Variants in TRMT5 observed in about 807,000 individuals in gnomAD.
The protein encoded by TRMT5 is tRNA methyltransferase 5, also known as tRNA (guanine(37)-N(1))-methyltransferase.
Under a neutral mutation model 42.2 loss-of-function variants are expected in TRMT5, and 31 were observed. That is an observed-to-expected ratio of 0.73 (90% confidence interval 0.55 to 0.99). The LOEUF (loss-of-function observed/expected upper bound fraction) is 0.99. TRMT5 is among the 50% of genes least tolerant of loss of function. The pLI is 0.00. For synonymous variants in TRMT5, 198 were observed against 209.6 expected, an observed-to-expected ratio of 0.94 and a Z score of 0.48; for missense variants, 568 against 595.0, an observed-to-expected ratio of 0.95 and a Z score of 0.47.
rs1414215872 is a variant in TRMT5 at position 60,972,021 on chromosome 14, T to C, written c.*3088A>G. 5 of 254,016 alleles carry C rather than the reference T, an allele frequency of 2.0e-5. No individual in the cohort carries two copies. Among genetic ancestry groups the C allele is most frequent in the Admixed American group, 9.9e-5 (2 of 20,196 alleles). The allele number at this position is 254,016 out of a possible 1,614,324, so 15.7% of individuals were successfully genotyped here. On this transcript the variant is annotated 3_prime_UTR_variant, in exon 5 of 5. Coordinates refer to ENST00000261249, the MANE Select transcript of TRMT5 (RefSeq NM_020810.3). Reference sequence around the variant, plus strand: ...CTCCTGGGAGCCAAGAGGAAGTCTCTCAAAACTAGAAGGGAAAGATGTTTT... The same window carrying C: ...CTCCTGGGAGCCAAGAGGAAGTCTCCCAAAACTAGAAGGGAAAGATGTTTT...
At chr14:60,978,503 A>G (rs1471097949) in intron 2 of TRMT5, among the ~76,000 whole-genome samples, 1 of 152,206 alleles carries the variant, frequency 6.6e-6, no homozygotes, top group Non-Finnish European at 1.5e-5. Flanking sequence ...TGAGGAATGA[A>G]ATTTATAAAT....
rs766757429 is a variant in TRMT5 at position 60,979,747 on chromosome 14, A to G, written c.151T>C (p.Leu51=). 3.7e-6 allele frequency: 6 copies of G among 1,614,012 alleles called. No individual in the cohort carries two copies. The highest frequency in any genetic ancestry group is 1.3e-5 in the African/African-American group (1 of 74,906). The change falls in exon 2 of 5, where the codon TTG becomes CTG. Residue 51 remains leucine (L), a synonymous_variant. Coordinates refer to ENST00000261249, the MANE Select transcript of TRMT5 (RefSeq NM_020810.3). The part of the protein sequence containing the change: ...MLLEAPGIFL[L]GQRKRFSTMP... Reference sequence around the variant, plus strand: ...GTTGAGAATCTTTTTCTTTGACCCAATAAGAAAATACCAGGTGCTTCCAAA... The same window carrying G: ...GTTGAGAATCTTTTTCTTTGACCCAGTAAGAAAATACCAGGTGCTTCCAAA...
intron 4 of TRMT5, 32 bp downstream of exon 4, chr14:60,975,443 G>A: frequency 6.3e-7 from 1 of 1,592,286 alleles, no homozygotes; most frequent in Non-Finnish European, 8.6e-7. Context: ...TGAATGGCAA[G>A]GTTTACATTT....
chr14:60,981,305 G>T, upstream of TRMT5: 1 of 1,609,812 alleles, frequency 6.2e-7, no homozygotes, highest in Non-Finnish European at 8.5e-7. Context: ...GAGCTTCAAC[G>T]CTGAGCGGGG....
chr14:60,977,257 T>A (rs1411021210), intron 3 of TRMT5, among the ~76,000 whole-genome samples: 1 of 152,188 alleles, frequency 6.6e-6, no homozygotes, highest in Admixed American at 6.5e-5. Context: ...AACCTATCGA[T>A]GGACAACTTA....
intron 3 of TRMT5, among the ~76,000 whole-genome samples, chr14:60,977,125 A>G (rs184118604): frequency 2.6e-5 from 4 of 152,284 alleles, no homozygotes; most frequent in Non-Finnish European, 5.9e-5. Flanking sequence ...ATTTCTGCCA[A>G]CTAAAAGTCT....
At position 60,979,392 on chromosome 14, in the gene TRMT5, G is replaced by C; in HGVS notation, c.506C>G (p.Ser169Cys). 6.2e-7 allele frequency: 1 copy of C among 1,614,078 alleles called. No individual in the cohort carries two copies. Among genetic ancestry groups the C allele is most frequent in the South Asian group, 1.1e-5 (1 of 91,066 alleles). Residue 169 changes from serine to cysteine, a missense_variant, in exon 2 of 5, where the codon TCT becomes TGT. Ser to Cys is a moderately radical substitution (Grantham distance 112). Coordinates refer to ENST00000261249, the MANE Select transcript of TRMT5 (RefSeq NM_020810.3). ...ATATGTTAGTTCCAAATTGTATTTA[G>C]AGATCTGTGGACTGACATTAAGCTG... is the stretch of plus-strand genomic sequence containing the variant. ...LEQLNVSPQI[S>C]KYNLELTYEH...
upstream of TRMT5, chr14:60,981,228 G>A (rs763685863): frequency 9.6e-6 from 15 of 1,562,076 alleles, no homozygotes; most frequent in Non-Finnish European, 1.3e-5. Context: ...TGGAGCGCAG[G>A]GCAGGGGTAG....
In TRMT5 at chr14:60,971,980, A is replaced by G. The variant is rs1282233799; in HGVS notation, c.*3129T>C. ...GTGCCAAGGTGGCCATGTGTGTCAA[A>G]GTCAGGAAATCCCTCCTCCTGGGAG... is the stretch of plus-strand genomic sequence containing the variant. On this transcript the variant is annotated 3_prime_UTR_variant, in exon 5 of 5. Transcript: ENST00000261249. The G allele has an allele frequency of 7.5e-6, 2 of 266,278 alleles. No homozygotes were observed. Among genetic ancestry groups the G allele is most frequent in the East Asian group, 1.1e-4 (1 of 9,018 alleles). The allele number at this position is 266,278 out of a possible 1,614,324, so 16.5% of individuals were successfully genotyped here.
chr14:60,973,117 A>G lies in TRMT5; in HGVS notation c.*1992T>C, dbSNP rs900457877. 4 of 152,264 alleles carry G rather than the reference A, an allele frequency of 2.6e-5. No individual in the cohort carries two copies. Among genetic ancestry groups the G allele is most frequent in the African/African-American group, 9.6e-5 (4 of 41,456 alleles). The allele number at this position is 152,264 out of a possible 1,614,324, so 9.4% of individuals were successfully genotyped here. A position where few individuals can be genotyped will look rare whatever the true frequency, so the allele number is the denominator to read the frequency against. On this transcript the variant is annotated 3_prime_UTR_variant, in exon 5 of 5. Transcript: ENST00000261249. ...TTCTTTCTCTTTGATAGTATGACAA[A>G]TGTGTAAGGATATTGTCATCAAATA...
intron 4 of TRMT5, 89 bp from the exon 5 acceptor site, chr14:60,975,283 C>T (rs1161824141): frequency 6.8e-6 from 9 of 1,322,422 alleles, no homozygotes; most frequent in Non-Finnish European, 9.4e-6. Flanking sequence ...CATTTTTAAT[C>T]TAGTCAACTT....
At chr14:60,977,381 T>C (rs979776997) in intron 3 of TRMT5, 133 bp downstream of exon 3, 2 of 778,616 alleles carry the variant, frequency 2.6e-6, no homozygotes, top group East Asian at 2.9e-5. Flanking sequence ...ATTCCATCAA[T>C]AGCATACATA....
Position 60,975,781 on chromosome 14 carries a change from G to A in TRMT5, c.1138C>T (p.Pro380Ser). Residue 380 changes from proline to serine, a missense_variant, in exon 4 of 5, where the codon CCC (proline) becomes TCC (serine). By Grantham distance (74) the Pro-to-Ser change is moderately conservative (BLOSUM62 -1). Coordinates refer to ENST00000261249, the MANE Select transcript of TRMT5 (RefSeq NM_020810.3). The part of the protein sequence containing the change: ...QLLGLSKERK[P>S]SVHVVMNLPA... The stretch of plus-strand genomic sequence containing the variant: ...AAGTTCATGACAACGTGCACAGAGG[G>A]TTTTCTTTCTTTTGACAGACCCAGC... The A allele has an allele frequency of 6.2e-7, 1 of 1,614,210 alleles. No individual in the cohort carries two copies. Among genetic ancestry groups the A allele is most frequent in the Middle Eastern group, 1.6e-4 (1 of 6,062 alleles).
At chr14:60,980,722 G>A (rs2036950371) in intron 1 of TRMT5, 1 of 617,610 alleles carries the variant, frequency 1.6e-6, no homozygotes. Context: ...GGTTCTAGCA[G>A]CTGACCAGCT....
intron 4 of TRMT5, 103 bp from the exon 5 acceptor site, chr14:60,975,297 C>A: frequency 7.7e-7 from 1 of 1,297,816 alleles, no homozygotes; most frequent in African/African-American, 1.5e-5. Context: ...TCAACTTAAA[C>A]ATGAAATAAC....
In TRMT5 at chr14:60,979,559, T is replaced by C. The variant is rs1424723553; in HGVS notation, c.339A>G (p.Leu113=). The C allele has an allele frequency of 6.2e-7, 1 of 1,614,064 alleles. No homozygotes were observed. Among genetic ancestry groups the C allele is most frequent in the African/African-American group, 1.3e-5 (1 of 74,942 alleles). The change falls in exon 2 of 5, where the codon CTA becomes CTG. Residue 113 remains leucine, a synonymous_variant. Transcript: ENST00000261249. ...CTGGGCGCTGCAATGCTGCCCTTTT[T>C]AGGGATCGCATCAATTTACTGACTA... The part of the protein sequence containing the change: ...KEIVSKLMRS[L]KRAALQRPGI...
intron 2 of TRMT5, 73 bp downstream of exon 2, chr14:60,979,158 A>G: frequency 7.3e-7 from 1 of 1,369,236 alleles, no homozygotes; most frequent in Non-Finnish European, 9.9e-7. Context: ...ATTAAAAAAA[A>G]TAATTTTTAA....
rs749630301 is a variant in TRMT5, at chr14:60,979,689, GT to G, written c.208del (p.Thr70LeufsTer13). 6.2e-7 allele frequency: 1 copy of G among 1,614,048 alleles called. No homozygotes were observed. Among genetic ancestry groups the G allele is most frequent in the Non-Finnish European group, 8.5e-7 (1 of 1,180,002 alleles). On this transcript the variant is annotated frameshift_variant, in exon 2 of 5. Coordinates refer to ENST00000261249, the MANE Select transcript of TRMT5 (RefSeq NM_020810.3). LOFTEE classifies it high-confidence loss of function. ...MPETETHERE[T>X]ELFSPPSDVR... Reference sequence around the variant, plus strand: ...ATCAGAAGGTGGTGAAAACAATTCAGTCTCTCTCTCATGTGTTTCTGTTTCT... The same window carrying G: ...ATCAGAAGGTGGTGAAAACAATTCAGCTCTCTCTCATGTGTTTCTGTTTCT...
Position 60,974,977 on chromosome 14 carries a change from T to A in TRMT5, c.*132A>T, listed in dbSNP as rs1036534925. On this transcript the variant is annotated 3_prime_UTR_variant, in exon 5 of 5. Transcript: ENST00000261249. The stretch of plus-strand genomic sequence containing the variant: ...AGTTCAGTTAAAGTTTAATTGGTAA[T>A]CCTCAATTTGTAAAATAAGGCAAAG... 7.5e-6 allele frequency: 4 copies of A among 530,322 alleles called. No individual in the cohort carries two copies. The highest frequency in any genetic ancestry group is 3.8e-5 in the Admixed American group (1 of 26,206). The allele number at this position is 530,322 out of a possible 1,614,324, so 32.9% of individuals were successfully genotyped here.
Sources: allele counts gnomAD v4.1 joint callset (sites outside exome capture counted in the v4.1 genomes callset), GRCh38; gene constraint gnomAD v4.1.1; transcripts MANE v1.5; gene names NCBI Gene and HGNC (gene_info 2026-07-23, HGNC 2026-07-21).